The following NEDD9 variants were observed in gnomAD, a reference collection of about 807,000 sequenced individuals.
NEDD9 encodes the protein enhancer of filamentation 1.
NEDD9 carries 26 observed loss-of-function variants against 76.6 expected under a neutral mutation model. The observed-to-expected ratio is 0.34, with a 90% CI of 0.25 to 0.47. The LOEUF (loss-of-function observed/expected upper bound fraction) is 0.47, where lower values mean the gene tolerates loss of function less well. Among genes scored for constraint, NEDD9 ranks in the 20% least tolerant of loss-of-function variants. The pLI is 1.00. For missense variants in NEDD9, 937 were observed against 1,058.5 expected, an observed-to-expected ratio of 0.89 and a Z score of 1.59; for synonymous variants, 392 against 414.2, an observed-to-expected ratio of 0.95 and a Z score of 0.65.
rs1758170040 is a variant in NEDD9, at chr6:11,192,380, G to T, written c.628C>A (p.Pro210Thr). 1 of 1,606,792 alleles carries T rather than the reference G, an allele frequency of 6.2e-7. No individual in the cohort carries two copies. Among genetic ancestry groups the T allele is most frequent in the African/African-American group, 1.3e-5 (1 of 74,368 alleles). Residue 210 changes from proline to threonine, a missense_variant, in exon 4 of 7, where the codon CCT becomes ACT. Physicochemically the swap from Pro to Thr is conservative, Grantham distance 38. Transcript: ENST00000379446. ...VFSVPVGEIK[P>T]QGVYDIPPTK... Reference sequence around the variant, plus strand: ...GGCGGGATGTCATACACCCCTTGAGGTTTTATCTCTCCCACTGGAACTGAA... The same window carrying T: ...GGCGGGATGTCATACACCCCTTGAGTTTTTATCTCTCCCACTGGAACTGAA...
Position 11,232,494 on chromosome 6 carries a change from ACT to A in NEDD9, c.12+8_12+9del. The A allele has an allele frequency of 6.2e-7, 1 of 1,613,952 alleles. No homozygotes were observed. Among genetic ancestry groups the A allele is most frequent in the Non-Finnish European group, 8.5e-7 (1 of 1,179,968 alleles). On this transcript the variant is annotated splice_region_variant and intron_variant, in intron 1 of 6. Coordinates refer to ENST00000379446, the MANE Select transcript of NEDD9 (RefSeq NM_006403.4). The stretch of plus-strand genomic sequence containing the variant: ...GCTTGCAAGGTAACCTGTAAAAGGC[ACT>A]CTCTTACCTTATACTTCATTTCGGC...
intron 1 of NEDD9, among the ~76,000 whole-genome samples, chr6:11,380,735 C>T (rs1763047169): frequency 6.6e-6 from 1 of 152,190 alleles, no homozygotes; most frequent in Non-Finnish European, 1.5e-5. Flanking sequence ...CCGGGAATTA[C>T]ATCATGTGAC....
intron 3 of NEDD9, among the ~76,000 whole-genome samples, chr6:11,291,526 G>A (rs1044600101): frequency 6.6e-6 from 1 of 151,990 alleles, no homozygotes; most frequent in Non-Finnish European, 1.5e-5. Context: ...AACCTGCCTC[G>A]GGCTCCCAAA....
intron 2 of NEDD9, among the ~76,000 whole-genome samples, chr6:11,323,313 T>C (rs1761852591): frequency 6.6e-6 from 1 of 152,234 alleles, no homozygotes; most frequent in African/African-American, 2.4e-5. Flanking sequence ...GTGGGGAATA[T>C]AGTGCTAGAA....
chr6:11,279,655 A>T (rs1760490921), intron 3 of NEDD9, among the ~76,000 whole-genome samples: 1 of 152,028 alleles, frequency 6.6e-6, no homozygotes, highest in East Asian at 1.9e-4. Context: ...TGATGTTGTG[A>T]TGTGAGGATG....
intron 1 of NEDD9, among the ~76,000 whole-genome samples, chr6:11,381,886 A>G (rs1763069367): frequency 6.6e-6 from 1 of 152,240 alleles, no homozygotes; most frequent in Non-Finnish European, 1.5e-5. Flanking sequence ...ACCAGGAAGC[A>G]TCTACCCAGA....
intron 3 of NEDD9, among the ~76,000 whole-genome samples, chr6:11,303,437 C>G (rs1018336104): frequency 1.3e-5 from 2 of 152,228 alleles, no homozygotes; most frequent in Non-Finnish European, 2.9e-5. Context: ...AACGTCCATA[C>G]TTTCCAAGGT....
intron 1 of NEDD9, among the ~76,000 whole-genome samples, chr6:11,351,642 C>A (rs2113536054): frequency 6.6e-6 from 1 of 152,314 alleles, no homozygotes; most frequent in Non-Finnish European, 1.5e-5. Flanking sequence ...TCTGAGCCAA[C>A]AGATGTGGTG....
intron 3 of NEDD9, among the ~76,000 whole-genome samples, chr6:11,248,549 A>G (rs1335465113): frequency 6.6e-6 from 1 of 152,242 alleles, no homozygotes; most frequent in African/African-American, 2.4e-5. Context: ...AATAGGCATT[A>G]CATCTTCTGG....
At chr6:11,234,992 G>A (rs551320468), upstream of NEDD9, among the ~76,000 whole-genome samples, 60 of 152,246 alleles carry the variant, frequency 3.9e-4, no homozygotes, top group African/African-American at 1.1e-3. Flanking sequence ...GATTACAGGC[G>A]TGGGCCACTG....
chr6:11,207,858 T>C (rs914850959), intron 2 of NEDD9, among the ~76,000 whole-genome samples: 1 of 152,136 alleles, frequency 6.6e-6, no homozygotes, highest in Non-Finnish European at 1.5e-5. Flanking sequence ...AATCATAACA[T>C]ATGCAAAGGA....
chr6:11,248,224 G>GA (rs572119370), intron 3 of NEDD9, among the ~76,000 whole-genome samples: 13 of 146,106 alleles, frequency 8.9e-5, no homozygotes, highest in African/African-American at 1.5e-4. Context: ...ATTTGAGAAG[G>GA]AAAAAAAAAA....
chr6:11,235,259 T>G (rs531538667), upstream of NEDD9, among the ~76,000 whole-genome samples: 17 of 152,212 alleles, frequency 1.1e-4, no homozygotes, highest in African/African-American at 3.6e-4. The surrounding 1 kb of genome is among the most constrained non-coding windows in gnomAD (Gnocchi z 4.1). Flanking sequence ...AGATTATTAT[T>G]TAATTATTGT....
intron 1 of NEDD9, among the ~76,000 whole-genome samples, chr6:11,348,531 A>G (rs1762405453): frequency 6.6e-6 from 1 of 152,248 alleles, no homozygotes; most frequent in African/African-American, 2.4e-5. Context: ...ACTTCAAACT[A>G]TACTACAGGG....
At chr6:11,342,945 A>G (rs1762301369) in intron 1 of NEDD9, among the ~76,000 whole-genome samples, 1 of 152,152 alleles carries the variant, frequency 6.6e-6, no homozygotes, top group South Asian at 2.1e-4. Context: ...TGGTAGCTTG[A>G]GTGGGAGTAG....
chr6:11,308,653 G>A (rs939504661), intron 2 of NEDD9, among the ~76,000 whole-genome samples: 2 of 152,084 alleles, frequency 1.3e-5, no homozygotes, highest in Admixed American at 6.5e-5. Context: ...ACAGGCGTGA[G>A]CCACCGCGCC....
intron 3 of NEDD9, among the ~76,000 whole-genome samples, chr6:11,295,043 G>C (rs1019986848): frequency 6.6e-6 from 1 of 152,154 alleles, no homozygotes; most frequent in African/African-American, 2.4e-5. Context: ...CTCCTCCTTT[G>C]CCTTCTGCAT....
intron 3 of NEDD9, among the ~76,000 whole-genome samples, chr6:11,260,888 G>A (rs1357661739): frequency 7.2e-6 from 1 of 138,562 alleles, no homozygotes; most frequent in Non-Finnish European, 1.5e-5. Flanking sequence ...GAGCACGTGT[G>A]TGAGCCTGTG....
intron 3 of NEDD9, among the ~76,000 whole-genome samples, chr6:11,247,909 A>G (rs1284613013): frequency 1.3e-5 from 2 of 152,168 alleles, no homozygotes; most frequent in African/African-American, 4.8e-5. Context: ...AAGAAAGGAG[A>G]AAGAAGGTCC....
Sources: allele counts gnomAD v4.1 joint callset (sites outside exome capture counted in the v4.1 genomes callset), GRCh38; gene constraint gnomAD v4.1.1; non-coding constraint Gnocchi (gnomAD v3.1); transcripts MANE v1.5; gene names NCBI Gene and HGNC (gene_info 2026-07-23, HGNC 2026-07-21).